The following CNTNAP4 variants were observed in gnomAD, a reference collection of about 807,000 sequenced individuals.
CNTNAP4 encodes the protein contactin-associated protein-like 4.
Under a neutral mutation model 148.4 loss-of-function variants are expected in CNTNAP4, and 98 were observed. The observed-to-expected ratio is 0.66, with a 90% CI of 0.56 to 0.78. The LOEUF is 0.78. CNTNAP4 is among the 30% of genes least tolerant of loss of function. The pLI is 0.00. For missense variants in CNTNAP4, 1,935 were observed against 1,565.6 expected, an observed-to-expected ratio of 1.24 and a Z score of -3.98; for synonymous variants, 730 against 565.1, an observed-to-expected ratio of 1.29 and a Z score of -4.14.
At chr16:76,448,670 G>A in intron 5 of CNTNAP4, 97 bp from the exon 6 acceptor site, 1 of 849,374 alleles carries the variant, frequency 1.2e-6, no homozygotes, top group Non-Finnish European at 1.8e-6. Flanking sequence ...GAAGGAGATT[G>A]CAATTATTAT....
At chr16:76,452,886 G>T (rs1221222751) in intron 8 of CNTNAP4, 117 bp downstream of exon 8, 40 of 956,384 alleles carry the variant, frequency 4.2e-5, no homozygotes, top group Non-Finnish European at 5.5e-5. Flanking sequence ...GAATACTCAG[G>T]TTAATAAGAT....
chr16:76,312,331 C>T (rs1186548915), intron 1 of CNTNAP4, among the ~76,000 whole-genome samples: 1 of 152,106 alleles, frequency 6.6e-6, no homozygotes, highest in East Asian at 1.9e-4. Context: ...GGTGAAATTA[C>T]CTCTGGTTGA....
Position 76,448,773 on chromosome 16 carries a change from C to G in CNTNAP4, c.749C>G (p.Ala250Gly). Residue 250 changes from alanine to glycine, a missense_variant, in exon 6 of 24, where the codon GCT becomes GGT. Physicochemically the swap from Ala to Gly is moderately conservative, Grantham distance 60 (BLOSUM62 0). Coordinates refer to ENST00000611870, the MANE Select transcript of CNTNAP4 (RefSeq NM_033401.5). ...ATTTTTCTCCTCTTCTAAGGTGAAG[C>G]TAAACTGCCTTCCACTTCCACCCTG... ...RLFLLINSGE[A>G]KLPSTSTLVN... 1.2e-6 allele frequency: 2 copies of G among 1,602,752 alleles called. No homozygotes were observed. Among genetic ancestry groups the G allele is most frequent in the South Asian group, 1.1e-5 (1 of 88,920 alleles).
At chr16:76,536,269 C>T (rs1039194561) in intron 18 of CNTNAP4, among the ~76,000 whole-genome samples, 38 of 152,180 alleles carry the variant, frequency 2.5e-4, no homozygotes, top group South Asian at 4.2e-4. Context: ...AATCTCGGCT[C>T]ACTGCAACCT....
intron 2 of CNTNAP4, among the ~76,000 whole-genome samples, chr16:76,336,472 C>G (rs531316557): frequency 3.9e-5 from 6 of 152,260 alleles, no homozygotes; most frequent in East Asian, 1.9e-4. Flanking sequence ...TAAACACTTA[C>G]CAGCATACCA....
In CNTNAP4 at chr16:76,370,966, C is replaced by T. The variant is rs17766886; in HGVS notation, c.390+15455C>T. On this transcript the variant is annotated intron_variant, in intron 3 of 23. Coordinates refer to ENST00000611870, the MANE Select transcript of CNTNAP4 (RefSeq NM_033401.5). ...TGGTAATATTTATGAGTAGGCAAAG[C>T]TAGCCAAGAACAGTCTTTCAATGTC... 3.0e-3 allele frequency among the ~76,000 whole-genome samples: 332 copies of T among 109,780 alleles called. 14 individuals are homozygous for T. The East Asian group carries it at 0.068, about 22-fold the overall frequency. 72.0% of individuals were successfully genotyped at this position (109,780 alleles called of 152,430 possible).
chr16:76,349,108 G>A (rs538869091), intron 2 of CNTNAP4, among the ~76,000 whole-genome samples: 131 of 152,134 alleles, frequency 8.6e-4, no homozygotes, highest in African/African-American at 2.8e-3. Flanking sequence ...AGGACCTAGC[G>A]GTCCTGATCT....
At chr16:76,355,745 C>T (rs978050240) in intron 3 of CNTNAP4, among the ~76,000 whole-genome samples, 2 of 151,556 alleles carry the variant, frequency 1.3e-5, no homozygotes, top group African/African-American at 4.8e-5. Flanking sequence ...GAAAAATAAA[C>T]CCTATTAGTC....
chr16:76,284,688 A>T (rs9937391), intron 1 of CNTNAP4, among the ~76,000 whole-genome samples: 10,926 of 152,064 alleles, frequency 0.072, 1,365 homozygotes, highest in African/African-American at 0.25. Context: ...GATGTCTAAG[A>T]GTTTAACACT....
At chr16:76,466,909 G>C (rs1332785276) in intron 9 of CNTNAP4, among the ~76,000 whole-genome samples, 1 of 151,972 alleles carries the variant, frequency 6.6e-6, no homozygotes, top group Non-Finnish European at 1.5e-5. Context: ...CAAATAGTTA[G>C]CTTTATAAAT....
At chr16:76,374,423 A>G (rs774864837) in intron 3 of CNTNAP4, among the ~76,000 whole-genome samples, 26 of 152,220 alleles carry the variant, frequency 1.7e-4, no homozygotes, top group Admixed American at 1.2e-3. Flanking sequence ...AAATTAATAT[A>G]TCACTTTGAA....
chr16:76,355,216 G>A, intron 2 of CNTNAP4, 102 bp from the exon 3 acceptor site: 1 of 733,296 alleles, frequency 1.4e-6, no homozygotes, highest in Non-Finnish European at 2.0e-6. Flanking sequence ...GGATATTTAA[G>A]TTCCATAGAG....
chr16:76,352,733 A>G (rs1016989321), intron 2 of CNTNAP4, among the ~76,000 whole-genome samples: 1 of 152,194 alleles, frequency 6.6e-6, no homozygotes, highest in African/African-American at 2.4e-5. Flanking sequence ...CACATCCTGA[A>G]AAATGAAGGA....
chr16:76,446,603 A>G (rs988778796), intron 4 of CNTNAP4, among the ~76,000 whole-genome samples: 3 of 152,192 alleles, frequency 2.0e-5, no homozygotes, highest in Admixed American at 2.0e-4. Context: ...AAACATGTCA[A>G]TGTCACAGTT....
intron 17 of CNTNAP4, among the ~76,000 whole-genome samples, chr16:76,524,461 T>G (rs2083626055): frequency 6.6e-6 from 1 of 152,174 alleles, no homozygotes; most frequent in East Asian, 1.9e-4. Flanking sequence ...CTCAAATTTT[T>G]CAGTGAAATA....
At position 76,326,075 on chromosome 16, in the gene CNTNAP4, T is replaced by A. The variant is rs561637449; in HGVS notation, c.196+9552T>A. Among the ~76,000 whole-genome samples, 7 of 152,276 alleles carry A rather than the reference T, an allele frequency of 4.6e-5. No individual in the cohort carries two copies. In the South Asian group the frequency reaches 1.2e-3, roughly 27 times the overall value. On this transcript the variant is annotated intron_variant, in intron 2 of 23. Coordinates refer to ENST00000611870, the MANE Select transcript of CNTNAP4 (RefSeq NM_033401.5). The stretch of plus-strand genomic sequence containing the variant: ...AAGATATGACTGTAAACTTACACAT[T>A]CTCTCCCAGAGAACAGAAAAAAAGT...
rs181885529 is a variant in CNTNAP4 at position 76,393,771 on chromosome 16, G to C, written c.391-33681G>C. On this transcript the variant is annotated intron_variant, in intron 3 of 23. Coordinates refer to ENST00000611870, the MANE Select transcript of CNTNAP4 (RefSeq NM_033401.5). ...CCCACTTTCCTAAGAAGAGACTTCA[G>C]CCTGCGGTGCTATGAGAACATGCAC... is the stretch of plus-strand genomic sequence containing the variant. Among the ~76,000 whole-genome samples, 342 of 152,292 alleles carry C rather than the reference G, an allele frequency of 2.2e-3. 1 individual carries two copies. Among genetic ancestry groups the C allele is most frequent in the Admixed American group, 4.2e-3 (64 of 15,284 alleles).
At chr16:76,480,838 T>C (rs536951562) in intron 12 of CNTNAP4, among the ~76,000 whole-genome samples, 2 of 152,332 alleles carry the variant, frequency 1.3e-5, no homozygotes, top group South Asian at 2.1e-4. Context: ...AAATTAAAAC[T>C]CAAGCAGGGT....
chr16:76,470,482 A>ATATATATATATAT lies in CNTNAP4; in HGVS notation c.1655+2959_1655+2960insTATATATATATAT, dbSNP rs146482811. 3.4e-3 allele frequency among the ~76,000 whole-genome samples: 328 copies of ATATATATATATAT among 96,984 alleles called. 23 individuals carry two copies. Among genetic ancestry groups the ATATATATATATAT allele is most frequent in the African/African-American group, 5.5e-3 (116 of 21,132 alleles). 63.6% of individuals were successfully genotyped at this position (96,984 alleles called of 152,430 possible). ...ATAGCAAAACCACGTCTCTACTAAT[A>ATATATATATATAT]ATATATATATATATAAAATTAGTCG... On this transcript the variant is annotated intron_variant, in intron 10 of 23. Coordinates refer to ENST00000611870, the MANE Select transcript of CNTNAP4 (RefSeq NM_033401.5).
Sources: gnomAD v4.1 joint callset for allele counts (sites outside exome capture counted in the v4.1 genomes callset) on GRCh38, gnomAD v4.1.1 for gene constraint, MANE v1.5 for transcripts, NCBI Gene and HGNC (gene_info 2026-07-23, HGNC 2026-07-21) for gene names.